RAB3C: variants seen among roughly 807,000 people sequenced by gnomAD.
RAB3C encodes the protein RAB3C, member RAS oncogene family, also known as ras-related protein Rab-3C.
Under a neutral mutation model 26.4 loss-of-function variants are expected in RAB3C, and 17 were observed. That is an observed-to-expected ratio of 0.64 (90% CI 0.44 to 0.97). The LOEUF is 0.97. Ranked by LOEUF, RAB3C falls within the 50% of genes least tolerant of loss-of-function variation. The pLI is 0.00. For synonymous variants in RAB3C, 91 were observed against 95.9 expected, an observed-to-expected ratio of 0.95 and a Z score of 0.30; for missense variants, 242 against 281.9, an observed-to-expected ratio of 0.86 and a Z score of 1.01.
chr5:58,824,321 A>C (rs1378999131), intron 3 of RAB3C, among the ~76,000 whole-genome samples: 1 of 129,308 alleles, frequency 7.7e-6, no homozygotes, highest in Non-Finnish European at 1.7e-5. Context: ...TTTATTATCT[A>C]AGTTCCAAAA....
intron 1 of RAB3C, among the ~76,000 whole-genome samples, chr5:58,604,233 G>C (rs954521421): frequency 1.3e-5 from 2 of 152,238 alleles, no homozygotes; most frequent in Non-Finnish European, 2.9e-5. Flanking sequence ...AGTGGATTCT[G>C]TGAAGGTCCT....
intron 3 of RAB3C, chr5:58,741,751 TC>T (rs1423064154): frequency 6.6e-6 from 1 of 152,078 alleles, no homozygotes; most frequent in Non-Finnish European, 1.5e-5. Context: ...ACACCTGTAA[TC>T]CTAGCATTTT....
chr5:58,703,108 C>T (rs158986), intron 2 of RAB3C, among the ~76,000 whole-genome samples: 54,286 of 152,034 alleles, frequency 0.36, 10,114 homozygotes, highest in East Asian at 0.42. Flanking sequence ...CAAAATTATA[C>T]GTGGCAACCA....
intron 3 of RAB3C, among the ~76,000 whole-genome samples, chr5:58,742,650 T>C (rs76372637): frequency 0.034 from 5,112 of 152,314 alleles, 262 homozygotes; most frequent in African/African-American, 0.11. Flanking sequence ...CATTCTGTTT[T>C]TTATAAACTG....
chr5:58,671,255 T>C (rs1242598717), intron 2 of RAB3C, among the ~76,000 whole-genome samples: 1 of 152,086 alleles, frequency 6.6e-6, no homozygotes, highest in Admixed American at 6.5e-5. Context: ...AACAACCTTA[T>C]GTCATAGGTG....
chr5:58,682,562 T>C (rs1748367993), intron 2 of RAB3C, among the ~76,000 whole-genome samples: 1 of 151,996 alleles, frequency 6.6e-6, no homozygotes, highest in Admixed American at 6.5e-5. Flanking sequence ...CGGGCGCCTA[T>C]AGTCCCAGCT....
intron 2 of RAB3C, among the ~76,000 whole-genome samples, chr5:58,664,079 C>A (rs1323003182): frequency 2.6e-5 from 4 of 152,148 alleles, no homozygotes; most frequent in Admixed American, 6.5e-5. Flanking sequence ...CATGGAATTA[C>A]ACTTATAGAA....
At chr5:58,760,107 T>A (rs1741766108) in intron 3 of RAB3C, among the ~76,000 whole-genome samples, 1 of 152,140 alleles carries the variant, frequency 6.6e-6, no homozygotes, top group African/African-American at 2.4e-5. Flanking sequence ...ACCCTCCCAC[T>A]AAGGGACCAT....
intron 2 of RAB3C, among the ~76,000 whole-genome samples, chr5:58,678,148 C>CA (rs1183958354): frequency 6.6e-6 from 1 of 151,894 alleles, no homozygotes; most frequent in Non-Finnish European, 1.5e-5. Flanking sequence ...GGGTCTATTC[C>CA]AAATTTTAAG....
chr5:58,757,600 G>A (rs1458582779), intron 3 of RAB3C, among the ~76,000 whole-genome samples: 1 of 152,194 alleles, frequency 6.6e-6, no homozygotes, highest in African/African-American at 2.4e-5. Context: ...AGCACATCAC[G>A]TCCATCTGTC....
At chr5:58,824,749 G>C (rs1470427812) in intron 3 of RAB3C, among the ~76,000 whole-genome samples, 1 of 152,094 alleles carries the variant, frequency 6.6e-6, no homozygotes. Context: ...TATTACATAA[G>C]GTGGGGTAAA....
intron 3 of RAB3C, among the ~76,000 whole-genome samples, chr5:58,743,910 T>C (rs1166488795): frequency 6.6e-6 from 1 of 152,240 alleles, no homozygotes; most frequent in Non-Finnish European, 1.5e-5. Context: ...CTTATATAGC[T>C]TCCTAACCTT....
At chr5:58,725,948 C>T in intron 2 of RAB3C, 54 bp from the exon 3 acceptor site, 2 of 1,069,750 alleles carry the variant, frequency 1.9e-6, no homozygotes, top group Admixed American at 4.8e-5. Flanking sequence ...AATCACTTCC[C>T]AAAAATGTAT....
At chr5:58,789,744 G>C (rs940420190) in intron 3 of RAB3C, among the ~76,000 whole-genome samples, 1 of 152,106 alleles carries the variant, frequency 6.6e-6, no homozygotes, top group Non-Finnish European at 1.5e-5. Flanking sequence ...AGTGAGAAAA[G>C]GAACATACAA....
chr5:58,839,660 G>A (rs1743833607), intron 4 of RAB3C, among the ~76,000 whole-genome samples: 1 of 152,100 alleles, frequency 6.6e-6, no homozygotes, highest in Non-Finnish European at 1.5e-5. Flanking sequence ...ATGAGCCACT[G>A]CACCCAGCCT....
intron 2 of RAB3C, among the ~76,000 whole-genome samples, chr5:58,699,600 T>C (rs1244760231): frequency 1.3e-5 from 2 of 152,200 alleles, no homozygotes; most frequent in Non-Finnish European, 2.9e-5. Flanking sequence ...GTAGGCCTTG[T>C]TGAGCTAAGG....
intron 1 of RAB3C, among the ~76,000 whole-genome samples, chr5:58,602,978 C>A (rs1746489122): frequency 6.6e-6 from 1 of 152,086 alleles, no homozygotes; most frequent in Non-Finnish European, 1.5e-5. Context: ...GTTTAGAGCT[C>A]CTTTTAGCAG....
At chr5:58,591,607 T>TAA (rs1413844484) in intron 1 of RAB3C, among the ~76,000 whole-genome samples, 1 of 37,816 alleles carries the variant, frequency 2.6e-5, no homozygotes, top group Non-Finnish European at 6.7e-5. Context: ...TATATATATA[T>TAA]AATTTTATTT....
intron 2 of RAB3C, among the ~76,000 whole-genome samples, chr5:58,633,595 T>A (rs192698729): frequency 6.6e-6 from 1 of 152,324 alleles, no homozygotes; most frequent in East Asian, 1.9e-4. Flanking sequence ...ATAAAAGTCA[T>A]ATTATTAAGA....
Sources: allele counts gnomAD v4.1 joint callset (sites outside exome capture counted in the v4.1 genomes callset), GRCh38; gene constraint gnomAD v4.1.1; transcripts MANE v1.5; gene names NCBI Gene and HGNC (gene_info 2026-07-23, HGNC 2026-07-21).